NRXN1: variants seen among roughly 807,000 people sequenced by gnomAD.
NRXN1 encodes the protein neurexin-1.
In NRXN1, 39 loss-of-function variants were observed where a neutral mutation model predicts 150.9. The ratio of observed to expected loss-of-function variants is 0.26; its 90% CI spans 0.20 to 0.34. The LOEUF is 0.34. Among genes scored for constraint, NRXN1 ranks in the 10% least tolerant of loss-of-function variants. NRXN1 has a pLI of 1.00. For missense variants in NRXN1, 1,815 were observed against 1,949.9 expected (o/e 0.93, Z 1.30); for synonymous variants, 924 against 757.0 (o/e 1.22, Z -3.62).
intron 2 of NRXN1, among the ~76,000 whole-genome samples, chr2:51,006,401 G>C (rs564767557): frequency 6.6e-6 from 1 of 151,714 alleles, no homozygotes; most frequent in East Asian, 2.0e-4. Flanking sequence ...GTTGTGGGGT[G>C]GGGGAAGGGG....
At chr2:49,987,250 A>T (rs1451850145) in intron 21 of NRXN1, among the ~76,000 whole-genome samples, 1 of 151,978 alleles carries the variant, frequency 6.6e-6, no homozygotes, top group Admixed American at 6.6e-5. Flanking sequence ...GCTCCCACAT[A>T]TGAGTGAGAA....
At chr2:50,023,345 A>G (rs373638590) in intron 21 of NRXN1, 7 of 152,168 alleles carry the variant, frequency 4.6e-5, no homozygotes, top group Non-Finnish European at 8.8e-5. Flanking sequence ...GTGCTGTAAG[A>G]TATAAAGAAA....
intron 5 of NRXN1, among the ~76,000 whole-genome samples, chr2:50,724,655 A>C: frequency 6.6e-6 from 1 of 152,298 alleles, no homozygotes; most frequent in African/African-American, 2.4e-5. Flanking sequence ...GAGATTATAT[A>C]TAATATACAA....
intron 17 of NRXN1, among the ~76,000 whole-genome samples, chr2:50,393,942 G>A (rs958597579): frequency 1.3e-5 from 2 of 152,112 alleles, no homozygotes; most frequent in African/African-American, 4.8e-5. Context: ...TCTAGGTTTT[G>A]TAATTGAAGA....
intron 8 of NRXN1, among the ~76,000 whole-genome samples, chr2:50,601,380 T>G (rs1221606208): frequency 6.6e-6 from 1 of 152,214 alleles, no homozygotes; most frequent in Non-Finnish European, 1.5e-5. Context: ...AGTAGTATAA[T>G]ACGTGGTTTG....
chr2:50,883,557 T>C (rs976523841), intron 5 of NRXN1, among the ~76,000 whole-genome samples: 4 of 151,798 alleles, frequency 2.6e-5, no homozygotes, highest in African/African-American at 9.7e-5. Flanking sequence ...GCAACACTAA[T>C]ACTACACAGA....
intron 5 of NRXN1, among the ~76,000 whole-genome samples, chr2:50,782,532 A>C (rs763238910): frequency 3.9e-5 from 6 of 152,152 alleles, no homozygotes; most frequent in Non-Finnish European, 7.3e-5. Flanking sequence ...GGATTGTAGC[A>C]CCTGCGATAA....
intron 18 of NRXN1, among the ~76,000 whole-genome samples, chr2:50,103,865 C>CCAAACAAA (rs70946889): frequency 0.022 from 3,301 of 150,364 alleles, 117 homozygotes; most frequent in African/African-American, 0.073. Flanking sequence ...CAGCCATTGA[C>CCAAACAAA]CAAACAAACA....
chr2:50,364,086 G>T (rs2079415531), intron 17 of NRXN1, among the ~76,000 whole-genome samples: 1 of 152,112 alleles, frequency 6.6e-6, no homozygotes. Context: ...ACTGGGGCCT[G>T]TTGGGGGTTG....
At chr2:51,007,431 G>A (rs1667195262) in intron 2 of NRXN1, among the ~76,000 whole-genome samples, 1 of 151,850 alleles carries the variant, frequency 6.6e-6, no homozygotes, top group African/African-American at 2.4e-5. Flanking sequence ...CTTTCCTTAT[G>A]AGTTACTTAT....
chr2:50,174,363 G>T (rs1170984135), intron 18 of NRXN1, among the ~76,000 whole-genome samples: 3 of 151,980 alleles, frequency 2.0e-5, no homozygotes, highest in Non-Finnish European at 2.9e-5. Context: ...TCACCACAAG[G>T]TTTATTTAAA....
At chr2:50,701,464 C>A (rs1290922293) in intron 5 of NRXN1, among the ~76,000 whole-genome samples, 3 of 152,160 alleles carry the variant, frequency 2.0e-5, no homozygotes, top group Non-Finnish European at 2.9e-5. Flanking sequence ...CATCAAGGCT[C>A]AGGAAAATTA....
At chr2:50,381,630 T>C (rs1442242059) in intron 17 of NRXN1, among the ~76,000 whole-genome samples, 2 of 142,106 alleles carry the variant, frequency 1.4e-5, no homozygotes, top group African/African-American at 5.2e-5. Context: ...TCCAAGAGAG[T>C]AATGCACATC....
chr2:50,369,500 C>T (rs1265866378), intron 17 of NRXN1, among the ~76,000 whole-genome samples: 2 of 151,776 alleles, frequency 1.3e-5, no homozygotes, highest in Non-Finnish European at 2.9e-5. Context: ...ATAAATAGGC[C>T]CAAATAATTT....
At chr2:51,023,153 A>G (rs1214371759) in intron 2 of NRXN1, among the ~76,000 whole-genome samples, 1 of 152,180 alleles carries the variant, frequency 6.6e-6, no homozygotes, top group Non-Finnish European at 1.5e-5. Context: ...GTTGACTGAC[A>G]AACAGAAAAT....
At chr2:50,328,391 C>T (rs1370510883) in intron 17 of NRXN1, among the ~76,000 whole-genome samples, 3 of 152,050 alleles carry the variant, frequency 2.0e-5, no homozygotes, top group Non-Finnish European at 4.4e-5. Flanking sequence ...GACTTAATAA[C>T]ATTTAATTCC....
intron 12 of NRXN1, among the ~76,000 whole-genome samples, chr2:50,516,987 T>C (rs556407263): frequency 2.0e-5 from 3 of 152,326 alleles, no homozygotes; most frequent in Non-Finnish European, 4.4e-5. Flanking sequence ...GCTGACCAAC[T>C]ATATTGCATT....
At chr2:50,235,165 T>G (rs990758646) in intron 18 of NRXN1, among the ~76,000 whole-genome samples, 2 of 152,106 alleles carry the variant, frequency 1.3e-5, no homozygotes, top group Non-Finnish European at 2.9e-5. Flanking sequence ...ATTTATTTAT[T>G]TTTTGAAGTA....
At chr2:50,312,774 A>C (rs982085505) in intron 17 of NRXN1, 2 of 515,594 alleles carry the variant, frequency 3.9e-6, no homozygotes, top group East Asian at 5.5e-5. Context: ...CAGCTACTTC[A>C]TTTATCACCA....
Sources: gnomAD v4.1 joint callset for allele counts (sites outside exome capture counted in the v4.1 genomes callset) on GRCh38, gnomAD v4.1.1 for gene constraint, MANE v1.5 for transcripts, NCBI Gene and HGNC (gene_info 2026-07-23, HGNC 2026-07-21) for gene names.